The following APBA2 variants were observed in gnomAD, a reference collection of about 807,000 sequenced individuals.
APBA2 encodes the protein amyloid beta precursor protein binding family A member 2, also known as amyloid-beta A4 precursor protein-binding family A member 2.
A neutral mutation model predicts 75.0 loss-of-function variants in APBA2; 30 were observed. The observed-to-expected ratio is 0.40, with a 90% CI of 0.30 to 0.54. The LOEUF is 0.54. Among genes scored for constraint, APBA2 ranks in the 20% least tolerant of loss-of-function variants. APBA2 has a pLI of 0.49. For missense variants in APBA2, 801 were observed against 1,016.1 expected, an observed-to-expected ratio of 0.79 and a Z score of 2.88; for synonymous variants, 444 against 409.6, an observed-to-expected ratio of 1.08 and a Z score of -1.01.
intron 2 of APBA2, among the ~76,000 whole-genome samples, chr15:28,989,167 C>T (rs908489893): frequency 2.6e-5 from 4 of 152,040 alleles, no homozygotes; most frequent in African/African-American, 9.7e-5. Flanking sequence ...CAATCTGATC[C>T]GTTGTTGAGT....
At chr15:28,893,112 G>A (rs2032243191) in intron 1 of APBA2, among the ~76,000 whole-genome samples, 1 of 152,222 alleles carries the variant, frequency 6.6e-6, no homozygotes, top group African/African-American at 2.4e-5. Flanking sequence ...TGGAAGCTCT[G>A]GGAAGCCAGG....
chr15:29,092,485 G>A (rs1354619407), intron 6 of APBA2, among the ~76,000 whole-genome samples: 1 of 152,214 alleles, frequency 6.6e-6, no homozygotes, highest in African/African-American at 2.4e-5. Flanking sequence ...ACACTGCAGA[G>A]ATAGAACCTT....
At chr15:29,025,936 G>C (rs1218664135) in intron 3 of APBA2, among the ~76,000 whole-genome samples, 2 of 142,156 alleles carry the variant, frequency 1.4e-5, no homozygotes, top group East Asian at 4.3e-4. Context: ...GGGCGACAGA[G>C]CAAGACTCCG....
At chr15:28,977,619 G>A (rs2037406972) in intron 2 of APBA2, among the ~76,000 whole-genome samples, 1 of 152,132 alleles carries the variant, frequency 6.6e-6, no homozygotes, top group South Asian at 2.1e-4. Flanking sequence ...AGGGTGCCTG[G>A]TGCTGCTTCC....
intron 3 of APBA2, among the ~76,000 whole-genome samples, chr15:29,025,969 AAGAAATGGCCC>A (rs72454513): frequency 0.13 from 19,655 of 150,736 alleles, 2,076 homozygotes; most frequent in Non-Finnish European, 0.21. Context: ...AAAAAAAGAA[AAGAAATGGCCC>A]AGAGATGGCG....
intron 2 of APBA2, among the ~76,000 whole-genome samples, chr15:28,950,930 A>G (rs2035833092): frequency 6.6e-6 from 1 of 152,138 alleles, no homozygotes; most frequent in Admixed American, 6.5e-5. Context: ...CCCAGCTTTG[A>G]CTATATGAAG....
intron 1 of APBA2, among the ~76,000 whole-genome samples, chr15:28,889,075 C>T (rs2152601393): frequency 6.6e-6 from 1 of 152,240 alleles, no homozygotes; most frequent in African/African-American, 2.4e-5. Flanking sequence ...CACAGGGAGG[C>T]TTCTCTGGCT....
chr15:28,903,428 T>C (rs1477992403), intron 1 of APBA2, among the ~76,000 whole-genome samples: 1 of 152,222 alleles, frequency 6.6e-6, no homozygotes, highest in Non-Finnish European at 1.5e-5. Flanking sequence ...CGATCCACTT[T>C]GTTCCTGCAG....
At chr15:29,089,783 A>T (rs935016402) in intron 6 of APBA2, among the ~76,000 whole-genome samples, 1 of 152,192 alleles carries the variant, frequency 6.6e-6, no homozygotes, top group Non-Finnish European at 1.5e-5. Context: ...TGCCTATGTG[A>T]GTAAGATATA....
intron 4 of APBA2, among the ~76,000 whole-genome samples, chr15:29,069,938 A>G (rs1017833011): frequency 1.3e-5 from 2 of 152,262 alleles, no homozygotes; most frequent in East Asian, 1.9e-4. Flanking sequence ...GAGACAGTGA[A>G]CAATGAAGTG....
chr15:28,891,616 G>A (rs778367378), intron 1 of APBA2, among the ~76,000 whole-genome samples: 2 of 152,174 alleles, frequency 1.3e-5, no homozygotes, highest in Non-Finnish European at 2.9e-5. Flanking sequence ...GGTGTTTTCC[G>A]TTTTGCACTT....
At chr15:28,954,890 T>C (rs968687855) in intron 2 of APBA2, among the ~76,000 whole-genome samples, 1 of 152,118 alleles carries the variant, frequency 6.6e-6, no homozygotes, top group African/African-American at 2.4e-5. Context: ...ATGTGTGTGC[T>C]CTGTGGATTT....
intron 2 of APBA2, among the ~76,000 whole-genome samples, chr15:28,928,024 G>C (rs2152683559): frequency 6.6e-6 from 1 of 151,282 alleles, no homozygotes; most frequent in African/African-American, 2.4e-5. Context: ...GGCACCTGTA[G>C]TCCCAGCTAC....
At position 29,094,272 on chromosome 15, in the gene APBA2, T is replaced by C; in HGVS notation, c.1216-6T>C. On this transcript the variant is annotated splice_region_variant and splice_polypyrimidine_tract_variant and intron_variant, in intron 7 of 14. Transcript: ENST00000683413. ...CTTGTTTTTCTTTTCTCTTCCATGC[T>C]GTCAGAGGATGCAAAAGGCTGCTAA... 2 of 1,614,226 alleles carry C rather than the reference T, an allele frequency of 1.2e-6. No homozygotes were observed. The highest frequency in any genetic ancestry group is 1.7e-6 in the Non-Finnish European group (2 of 1,180,022).
intron 1 of APBA2, among the ~76,000 whole-genome samples, chr15:28,902,183 C>T (rs556595667): frequency 3.0e-4 from 45 of 152,210 alleles, no homozygotes; most frequent in African/African-American, 8.7e-4. Context: ...CCAACACACA[C>T]CGCCTCAGCC....
At chr15:29,113,260 C>A (rs2044839707) in intron 13 of APBA2, among the ~76,000 whole-genome samples, 1 of 152,124 alleles carries the variant, frequency 6.6e-6, no homozygotes, top group African/African-American at 2.4e-5. Context: ...GCCCCCACCG[C>A]TGCACTCCAG....
At chr15:29,077,159 G>T (rs2042886923) in intron 6 of APBA2, among the ~76,000 whole-genome samples, 8 of 152,154 alleles carry the variant, frequency 5.3e-5, no homozygotes, top group Admixed American at 4.6e-4. Context: ...TGTGGTTTTA[G>T]GTACATTTTA....
chr15:29,111,302 C>T (rs1386661644), intron 13 of APBA2, among the ~76,000 whole-genome samples: 1 of 152,008 alleles, frequency 6.6e-6, no homozygotes, highest in East Asian at 1.9e-4. Context: ...CGCTGTTGTT[C>T]CACCCTCTGG....
chr15:28,893,100 A>G (rs1231075598), intron 1 of APBA2, among the ~76,000 whole-genome samples: 2 of 152,172 alleles, frequency 1.3e-5, no homozygotes, highest in African/African-American at 4.8e-5. Context: ...TGTGTTAGGA[A>G]CTGGAAGCTC....
Sources: allele counts gnomAD v4.1 joint callset (sites outside exome capture counted in the v4.1 genomes callset), GRCh38; gene constraint gnomAD v4.1.1; transcripts MANE v1.5; gene names NCBI Gene and HGNC (gene_info 2026-07-23, HGNC 2026-07-21).